SORCS1: variants seen among roughly 807,000 people sequenced by gnomAD.
The protein encoded by SORCS1 is sortilin related VPS10 domain containing receptor 1.
A neutral mutation model predicts 146.1 loss-of-function variants in SORCS1; 60 were observed. That is an observed-to-expected ratio of 0.41 (90% CI 0.33 to 0.51). The LOEUF (loss-of-function observed/expected upper bound fraction) is 0.51. Among genes scored for constraint, SORCS1 ranks in the 20% least tolerant of loss-of-function variants. The pLI is 0.21. For synonymous variants in SORCS1, 637 were observed against 584.0 expected, an observed-to-expected ratio of 1.09 and a Z score of -1.31; for missense variants, 1,352 against 1,487.6, an observed-to-expected ratio of 0.91 and a Z score of 1.50.
At chr10:106,783,796 A>T (rs1246527118) in intron 3 of SORCS1, among the ~76,000 whole-genome samples, 1 of 152,200 alleles carries the variant, frequency 6.6e-6, no homozygotes, top group Admixed American at 6.5e-5. Context: ...ATTGGATTTT[A>T]TGCTTTATCA....
chr10:106,663,430 A>C (rs1043335608), intron 17 of SORCS1, among the ~76,000 whole-genome samples: 1 of 152,200 alleles, frequency 6.6e-6, no homozygotes, highest in Non-Finnish European at 1.5e-5. Flanking sequence ...AAAGGGGGCC[A>C]GGATTGGGAT....
At chr10:106,709,184 A>G in intron 7 of SORCS1, 39 bp downstream of exon 7, 1 of 1,476,860 alleles carries the variant, frequency 6.8e-7, no homozygotes, top group Non-Finnish European at 9.5e-7. Context: ...AGGAAAAGAA[A>G]GGTTTCTGAG....
At chr10:107,089,116 A>C (rs1323350747) in intron 1 of SORCS1, among the ~76,000 whole-genome samples, 1 of 152,170 alleles carries the variant, frequency 6.6e-6, no homozygotes, top group Non-Finnish European at 1.5e-5. Context: ...AGTCATAATC[A>C]CCCAAAGCCA....
At chr10:106,992,330 A>G (rs1302631177) in intron 1 of SORCS1, among the ~76,000 whole-genome samples, 1 of 152,182 alleles carries the variant, frequency 6.6e-6, no homozygotes, top group Non-Finnish European at 1.5e-5. Flanking sequence ...AAGCCAGGAA[A>G]AGAGAGGCTG....
At chr10:106,874,197 TA>T (rs542870197) in intron 2 of SORCS1, among the ~76,000 whole-genome samples, 333 of 152,324 alleles carry the variant, frequency 2.2e-3, no homozygotes, top group Non-Finnish European at 3.5e-3. Context: ...AATGGTTTTT[TA>T]AATCTTATAT....
chr10:106,901,926 C>G (rs916275022), intron 2 of SORCS1, among the ~76,000 whole-genome samples: 3 of 151,998 alleles, frequency 2.0e-5, no homozygotes, highest in Non-Finnish European at 4.4e-5. Flanking sequence ...CACCTGTAGT[C>G]CCAGCTACTC....
At chr10:106,770,179 G>T (rs1859907594) in intron 4 of SORCS1, among the ~76,000 whole-genome samples, 1 of 152,062 alleles carries the variant, frequency 6.6e-6, no homozygotes, top group Non-Finnish European at 1.5e-5. Flanking sequence ...AGTATGTTTT[G>T]GTATCTGACA....
At chr10:107,065,541 A>T (rs1961759369) in intron 1 of SORCS1, among the ~76,000 whole-genome samples, 2 of 107,280 alleles carry the variant, frequency 1.9e-5, no homozygotes, top group African/African-American at 4.6e-5. Flanking sequence ...TCTCTTTCTT[A>T]GGGTCTGGCT....
chr10:106,647,324 T>C (rs1322014), intron 18 of SORCS1, among the ~76,000 whole-genome samples: 35,738 of 151,504 alleles, frequency 0.24, 5,156 homozygotes, highest in East Asian at 0.52. Flanking sequence ...TGGGTAGTGC[T>C]ATTGAAAATA....
chr10:106,860,842 T>C (rs1025076899), intron 2 of SORCS1, among the ~76,000 whole-genome samples: 2 of 152,180 alleles, frequency 1.3e-5, no homozygotes, highest in Non-Finnish European at 2.9e-5. Context: ...TAAATTCAAT[T>C]TTTTATTAGA....
At chr10:107,181,092 C>T in the SORCS1 span, among the ~76,000 whole-genome samples, 4 of 152,126 alleles carry the variant, frequency 2.6e-5, no homozygotes, top group Non-Finnish European at 4.4e-5. Context: ...GACTGGAACT[C>T]GTTTAGGTGA....
chr10:107,121,938 A>T (rs1966437254), intron 1 of SORCS1, among the ~76,000 whole-genome samples: 1 of 152,234 alleles, frequency 6.6e-6, no homozygotes, highest in Non-Finnish European at 1.5e-5. Flanking sequence ...ATAATAATAC[A>T]AATGAGGGAA....
At chr10:107,162,261 T>C (rs575531823) in intron 1 of SORCS1, among the ~76,000 whole-genome samples, 1 of 152,228 alleles carries the variant, frequency 6.6e-6, no homozygotes, top group Non-Finnish European at 1.5e-5. Flanking sequence ...AGAAACATTC[T>C]GAGTCCAAAG....
intron 1 of SORCS1, among the ~76,000 whole-genome samples, chr10:107,143,892 A>G (rs185913338): frequency 1.6e-3 from 240 of 152,056 alleles, no homozygotes; most frequent in African/African-American, 4.7e-3. Context: ...CAGCCTCCTA[A>G]TGTGCTGGGA....
At chr10:106,961,716 C>T (rs1332169070) in intron 1 of SORCS1, among the ~76,000 whole-genome samples, 2 of 152,154 alleles carry the variant, frequency 1.3e-5, no homozygotes, top group Non-Finnish European at 2.9e-5. Flanking sequence ...CCCACCAGTG[C>T]CATGACAGTT....
intron 2 of SORCS1, among the ~76,000 whole-genome samples, chr10:106,911,845 G>A (rs1237574650): frequency 6.6e-6 from 1 of 152,144 alleles, no homozygotes; most frequent in Non-Finnish European, 1.5e-5. Flanking sequence ...GGGTGTGGTG[G>A]CTCACGCCTG....
intron 2 of SORCS1, among the ~76,000 whole-genome samples, chr10:106,920,197 G>A (rs969134394): frequency 6.6e-6 from 1 of 152,124 alleles, no homozygotes; most frequent in African/African-American, 2.4e-5. Context: ...GGGAGCCACC[G>A]CCCACCCACT....
rs1253032264 is a variant in SORCS1, at chr10:106,622,540, T to C, written c.2663-1979A>G. ...GTCCGTCTTTGTGCATGCTACTCCC[T>C]CTTTAGAGAATGAAAAGTCTGGTGA... On this transcript the variant is annotated intron_variant, in intron 19 of 25. Transcript: ENST00000263054. 5.9e-5 allele frequency among the ~76,000 whole-genome samples: 9 copies of C among 152,266 alleles called. No homozygotes were observed. The East Asian group carries it at 1.7e-3, about 29-fold the overall frequency.
At chr10:107,083,258 C>CTG (rs1455015648) in intron 1 of SORCS1, among the ~76,000 whole-genome samples, 1 of 151,984 alleles carries the variant, frequency 6.6e-6, no homozygotes, top group Non-Finnish European at 1.5e-5. Context: ...GAACTAGGAA[C>CTG]TGTGGTAAGC....
Sources: gnomAD v4.1 joint callset for allele counts (sites outside exome capture counted in the v4.1 genomes callset) on GRCh38, gnomAD v4.1.1 for gene constraint, MANE v1.5 for transcripts, NCBI Gene and HGNC (gene_info 2026-07-23, HGNC 2026-07-21) for gene names.